The following UFC1 variants were observed in gnomAD, a reference collection of about 807,000 sequenced individuals.
UFC1 encodes ubiquitin-fold modifier conjugating enzyme 1.
Under a neutral mutation model 28.0 loss-of-function variants are expected in UFC1, and 22 were observed. The ratio of observed to expected loss-of-function variants is 0.78; its 90% CI spans 0.56 to 1.12. The LOEUF is 1.12. UFC1 is among the 50% of genes most tolerant of loss of function. The pLI, the probability that UFC1 is intolerant of heterozygous loss-of-function variation, is 0.00. For synonymous variants in UFC1, 61 were observed against 74.5 expected (o/e 0.82, Z 0.93); for missense variants, 189 against 207.8 (o/e 0.91, Z 0.56).
At chr1:161,154,569 C>G (rs1467713106) in intron 1 of UFC1, among the ~76,000 whole-genome samples, 1 of 152,162 alleles carries the variant, frequency 6.6e-6, no homozygotes, top group Non-Finnish European at 1.5e-5. Context: ...ACTGCAACCT[C>G]CGACTCCCGG....
chr1:161,156,863 AAAAT>A, intron 1 of UFC1, 83 bp from the exon 2 acceptor site: 1 of 1,211,838 alleles, frequency 8.3e-7, no homozygotes, highest in Non-Finnish European at 1.2e-6. Flanking sequence ...AAAAATAAAA[AAAAT>A]AACCACATAC....
chr1:161,158,075 A>G (rs767385794), intron 4 of UFC1, 46 bp from the exon 5 acceptor site: 4 of 1,529,102 alleles, frequency 2.6e-6, no homozygotes, highest in African/African-American at 2.7e-5. Flanking sequence ...GCTGTGCTTT[A>G]TGGTAAACTT....
chr1:161,158,336 T>G lies in UFC1; in HGVS notation c.424-76T>G. The stretch of plus-strand genomic sequence containing the variant: ...CTTAAGCATGTTCCCCCAGAATCTG[T>G]CTCCAGGAAGGAGCTTCTAATGGAA... On this transcript the variant is annotated intron_variant, in intron 5 of 5. Coordinates refer to ENST00000368003, the MANE Select transcript of UFC1 (RefSeq NM_016406.4). 1.0e-5 allele frequency: 16 copies of G among 1,592,502 alleles called. 1 individual carries two copies. In the South Asian group the frequency reaches 1.7e-4, roughly 16 times the overall value.
intron 1 of UFC1, among the ~76,000 whole-genome samples, chr1:161,155,440 C>T (rs1446078092): frequency 2.0e-5 from 3 of 152,152 alleles, no homozygotes; most frequent in Non-Finnish European, 1.5e-5. Flanking sequence ...AGCTAGGAGA[C>T]ATATTTGAGC....
At chr1:161,155,090 T>C (rs570619784) in intron 1 of UFC1, among the ~76,000 whole-genome samples, 1 of 152,088 alleles carries the variant, frequency 6.6e-6, no homozygotes, top group Admixed American at 6.5e-5. Flanking sequence ...AACCAGATCA[T>C]TATAATACAG....
chr1:161,156,882 C>A (rs1657523775), intron 1 of UFC1, 68 bp from the exon 2 acceptor site: 3 of 1,330,566 alleles, frequency 2.3e-6, no homozygotes, highest in Admixed American at 2.1e-5. Context: ...ACATACTTTT[C>A]TTTTGAGGAG....
At chr1:161,156,918 A>G in intron 1 of UFC1, 32 bp from the exon 2 acceptor site, 1 of 1,601,196 alleles carries the variant, frequency 6.2e-7, no homozygotes, top group Non-Finnish European at 8.5e-7. Context: ...GGCCCCAACT[A>G]CTCTCTCAAA....
At position 161,154,140 on chromosome 1, in the gene UFC1, T is replaced by C. The variant is rs750554018; in HGVS notation, c.123+20T>C. The C allele has an allele frequency of 8.1e-6, 13 of 1,613,804 alleles. No homozygotes were observed. The highest frequency in any genetic ancestry group is 1.3e-5 in the African/African-American group (1 of 74,984). On this transcript the variant is annotated intron_variant, in intron 1 of 5. Coordinates refer to ENST00000368003, the MANE Select transcript of UFC1 (RefSeq NM_016406.4). ...ATCCGGGTTAGTTGTGTTTCTACAG[T>C]CTAACGCGTAGCATAAGGGTTGGGA...
intron 1 of UFC1, among the ~76,000 whole-genome samples, chr1:161,155,574 C>T (rs2101789110): frequency 6.6e-6 from 1 of 152,124 alleles, no homozygotes; most frequent in South Asian, 2.1e-4. Context: ...TTGACAGGGA[C>T]AAGACTGAAG....
At chr1:161,157,972 C>T (rs1557997044) in intron 4 of UFC1, 149 bp from the exon 5 acceptor site, 4 of 693,844 alleles carry the variant, frequency 5.8e-6, no homozygotes, top group Non-Finnish European at 9.7e-6. Flanking sequence ...TAGTGGGGTG[C>T]CAGGCCCTCC....
rs1410594909 is a variant in UFC1, at chr1:161,158,492, A to C, written c.504A>C (p.Ter168CysextTer25). The C allele has an allele frequency of 6.2e-7, 1 of 1,614,162 alleles. No individual in the cohort carries two copies. ...AACACAAAGAGAAATGCAACCAATGAAGAATCAAGCCACTGAGGCAGGGCA... is the reference window on the plus strand; with the variant it reads ...AACACAAAGAGAAATGCAACCAATGCAGAATCAAGCCACTGAGGCAGGGCA... ...VIQHKEKCNQ[*>C] Residue 168 changes from the stop codon to cysteine, a stop_lost, in exon 6 of 6, where the codon TGA (stop) becomes TGC (cysteine). Coordinates refer to ENST00000368003, the MANE Select transcript of UFC1 (RefSeq NM_016406.4).
At chr1:161,156,495 C>T (rs574215051) in intron 1 of UFC1, among the ~76,000 whole-genome samples, 3 of 144,790 alleles carry the variant, frequency 2.1e-5, no homozygotes, top group South Asian at 2.2e-4. Context: ...GCCGAGATTG[C>T]GCCACTGCAC....
chr1:161,157,084 G>A lies in UFC1; in HGVS notation c.191+67G>A, dbSNP rs368611076. 1.5e-5 allele frequency: 23 copies of A among 1,545,468 alleles called. No individual in the cohort carries two copies. The African/African-American group carries it at 2.9e-4, about 19-fold the overall frequency. On this transcript the variant is annotated intron_variant, in intron 2 of 5. Coordinates refer to ENST00000368003, the MANE Select transcript of UFC1 (RefSeq NM_016406.4). ...ATGAGTTAGGCAATTTGGTATCCTA[G>A]CGCCCACTACCAAAGCTGCCCTGTC...
At chr1:161,156,846 A>G in intron 1 of UFC1, 104 bp from the exon 2 acceptor site, 1 of 1,056,850 alleles carries the variant, frequency 9.5e-7, no homozygotes. Context: ...CCATCTCAAT[A>G]AAAATAAAAA....
Position 161,158,819 on chromosome 1 carries a change from T to C in UFC1, c.*327T>C, listed in dbSNP as rs1465198173. The C allele has an allele frequency of 3.5e-6, 1 of 289,262 alleles. No homozygotes were observed. The highest frequency in any genetic ancestry group is 2.1e-5 in the African/African-American group (1 of 46,882). 17.9% of individuals were successfully genotyped at this position (289,262 alleles called of 1,614,324 possible). ...GAGTACATATAGTCTTTCTGGTTTC[T>C]GGAGATAACCCATCAATAAAAGCTG... On this transcript the variant is annotated 3_prime_UTR_variant, in exon 6 of 6. Coordinates refer to ENST00000368003, the MANE Select transcript of UFC1 (RefSeq NM_016406.4).
intron 1 of UFC1, among the ~76,000 whole-genome samples, chr1:161,155,346 C>A (rs1657478726): frequency 6.6e-6 from 1 of 152,198 alleles, no homozygotes. Context: ...AGAAACGGCA[C>A]AGGCACCAGC....
intron 1 of UFC1, among the ~76,000 whole-genome samples, chr1:161,156,549 A>C (rs1657511140): frequency 6.7e-6 from 1 of 150,340 alleles, no homozygotes; most frequent in South Asian, 2.1e-4. Flanking sequence ...AAAAAAAAAA[A>C]AAAAAAAACC....
At chr1:161,157,055 TTA>T (rs1430944168) in intron 2 of UFC1, 38 bp downstream of exon 2, 28 of 1,600,224 alleles carry the variant, frequency 1.7e-5, no homozygotes, top group Non-Finnish European at 2.1e-5. Context: ...GGTGGGAGTC[TTA>T]TATGAGTTAG....
At chr1:161,156,372 A>T (rs535039631) in intron 1 of UFC1, among the ~76,000 whole-genome samples, 1 of 151,408 alleles carries the variant, frequency 6.6e-6, no homozygotes, top group East Asian at 1.9e-4. Flanking sequence ...CTACTAAAAA[A>T]AAAAAAAATA....
Sources: allele counts gnomAD v4.1 joint callset (sites outside exome capture counted in the v4.1 genomes callset), GRCh38; gene constraint gnomAD v4.1.1; transcripts MANE v1.5; gene names NCBI Gene and HGNC (gene_info 2026-07-23, HGNC 2026-07-21).